ALDH1A1: variants seen among roughly 807,000 people sequenced by gnomAD.
The protein encoded by ALDH1A1 is aldehyde dehydrogenase 1 family member A1.
A neutral mutation model predicts 62.1 loss-of-function variants in ALDH1A1; 19 were observed. The ratio of observed to expected loss-of-function variants is 0.31; its 90% CI spans 0.21 to 0.45. ALDH1A1 has a LOEUF of 0.45. Ranked by LOEUF, ALDH1A1 falls within the 20% of genes least tolerant of loss-of-function variation. ALDH1A1 has a pLI of 1.00. For synonymous variants in ALDH1A1, 231 were observed against 215.9 expected, an observed-to-expected ratio of 1.07 and a Z score of -0.61; for missense variants, 521 against 607.1, an observed-to-expected ratio of 0.86 and a Z score of 1.49.
intron 7 of ALDH1A1, 64 bp downstream of exon 7, chr9:72,923,954 TA>T: frequency 8.8e-7 from 1 of 1,134,130 alleles, no homozygotes; most frequent in Non-Finnish European, 1.3e-6. Context: ...AATAGTTACA[TA>T]AAACATACTT....
chr9:72,930,663 A>G (rs564685299), intron 3 of ALDH1A1, among the ~76,000 whole-genome samples: 1 of 152,346 alleles, frequency 6.6e-6, no homozygotes, highest in South Asian at 2.1e-4. Flanking sequence ...CGTAGAATCT[A>G]TTATGGGAGC....
At position 72,912,059 on chromosome 9, in the gene ALDH1A1, T is replaced by C; in HGVS notation, c.1099A>G (p.Lys367Glu). 1 of 1,613,894 alleles carries C rather than the reference T, an allele frequency of 6.2e-7. No individual in the cohort carries two copies. Among genetic ancestry groups the C allele is most frequent in the South Asian group, 1.1e-5 (1 of 91,066 alleles). The change falls in exon 10 of 13, where the codon AAA becomes GAA. Residue 367 changes from lysine to glutamate, a missense_variant. Lys to Glu is a moderately conservative substitution (Grantham distance 56). Coordinates refer to ENST00000297785, the MANE Select transcript of ALDH1A1 (RefSeq NM_000689.5). ...CACGGGCCTCCTCCACATTCCAGTT[T>C]GGCCCCTTCTTTCTTCCCACTCTCA... ...LIESGKKEGA[K>E]LECGGGPWGN...
At chr9:72,923,231 CTTG>C (rs925440080) in intron 7 of ALDH1A1, among the ~76,000 whole-genome samples, 1 of 152,166 alleles carries the variant, frequency 6.6e-6, no homozygotes, top group Admixed American at 6.5e-5. Context: ...TGCCTGGTCT[CTTG>C]TTGTCAGCAG....
chr9:72,915,389 C>CATCCATCA (rs1319630557), intron 9 of ALDH1A1, among the ~76,000 whole-genome samples: 5 of 152,100 alleles, frequency 3.3e-5, no homozygotes, highest in Admixed American at 2.0e-4. Context: ...ATCAATCAAT[C>CATCCATCA]ATCCATCAAT....
At chr9:72,909,155 CTTTTTTT>C (rs5898281) in intron 11 of ALDH1A1, among the ~76,000 whole-genome samples, 2 of 75,534 alleles carry the variant, frequency 2.6e-5, no homozygotes, top group Non-Finnish European at 2.3e-5. Context: ...TCCAATACAG[CTTTTTTT>C]TTTTTTTTTT....
intron 7 of ALDH1A1, among the ~76,000 whole-genome samples, chr9:72,923,223 C>A (rs1399293780): frequency 6.6e-6 from 1 of 152,118 alleles, no homozygotes; most frequent in Admixed American, 6.5e-5. Flanking sequence ...TCACACCCTG[C>A]CTGGTCTCTT....
chr9:72,937,853 G>A (rs769588947), intron 2 of ALDH1A1, among the ~76,000 whole-genome samples: 7 of 152,188 alleles, frequency 4.6e-5, no homozygotes, highest in Non-Finnish European at 8.8e-5. Context: ...AGTATAAAGA[G>A]TAAATCTGAA....
chr9:72,940,026 G>T, intron 2 of ALDH1A1, 122 bp downstream of exon 2: 2 of 587,188 alleles, frequency 3.4e-6, no homozygotes, highest in Non-Finnish European at 2.9e-6. Context: ...ATTTTCCTAA[G>T]CTGCCCCAGA....
chr9:72,953,031 T>C lies in ALDH1A1; in HGVS notation c.-31A>G, dbSNP rs1245094095. 2 of 1,612,878 alleles carry C rather than the reference T, an allele frequency of 1.2e-6. No individual in the cohort carries two copies. Among genetic ancestry groups the C allele is most frequent in the Admixed American group, 3.3e-5 (2 of 59,894 alleles). On this transcript the variant is annotated 5_prime_UTR_variant, in exon 1 of 13. Transcript: ENST00000297785. ...ATTCGGCTCCTGGAACACAGGTGAC[T>C]GGCTCAGCAATTTGGTTCTGATAGA...
intron 1 of ALDH1A1, chr9:72,942,483 C>G (rs565226726): frequency 1.6e-6 from 1 of 621,104 alleles, no homozygotes; most frequent in African/African-American, 2.0e-5. Context: ...AAAAGCTTTC[C>G]CTGTTCTCTT....
chr9:72,906,428 G>GTACTTAACAGGC (rs1196840100), intron 11 of ALDH1A1, among the ~76,000 whole-genome samples: 1 of 152,084 alleles, frequency 6.6e-6, no homozygotes, highest in Non-Finnish European at 1.5e-5. Context: ...TGATGTTTCT[G>GTACTTAACAGGC]TACTTAACAG....
intron 1 of ALDH1A1, among the ~76,000 whole-genome samples, chr9:72,947,517 A>C (rs1314438211): frequency 6.6e-6 from 1 of 151,990 alleles, no homozygotes; most frequent in East Asian, 1.9e-4. Flanking sequence ...ATGAATGATA[A>C]AAATGCAGTA....
chr9:72,916,852 A>T, intron 9 of ALDH1A1, 68 bp downstream of exon 9: 1 of 1,316,230 alleles, frequency 7.6e-7, no homozygotes, highest in Non-Finnish European at 1.0e-6. Flanking sequence ...ACTCAATAAA[A>T]TCTAGGTCTA....
chr9:72,933,676 AT>A (rs1830312866), intron 2 of ALDH1A1, among the ~76,000 whole-genome samples: 1 of 152,002 alleles, frequency 6.6e-6, no homozygotes. Context: ...TGTAATGAAG[AT>A]TAATAAGATA....
intron 7 of ALDH1A1, among the ~76,000 whole-genome samples, chr9:72,921,503 C>CTTTTTTTTTTTTTTTTTTTTTTTTTTTTT (rs11327072): frequency 9.1e-6 from 1 of 109,506 alleles, no homozygotes; most frequent in African/African-American, 3.5e-5. Context: ...ACATTTAATT[C>CTTTTTTTTTTTTTTTTTTTTTTTTTTTTT]TTTTTTTTTT....
At chr9:72,926,108 C>A (rs940773474) in intron 5 of ALDH1A1, among the ~76,000 whole-genome samples, 1 of 152,166 alleles carries the variant, frequency 6.6e-6, no homozygotes, top group African/African-American at 2.4e-5. Flanking sequence ...CACTGACCAG[C>A]CATGTGAACT....
intron 5 of ALDH1A1, among the ~76,000 whole-genome samples, chr9:72,926,649 A>T (rs1380833625): frequency 6.6e-6 from 1 of 152,214 alleles, no homozygotes; most frequent in Admixed American, 6.5e-5. Flanking sequence ...TGATTAAAAA[A>T]TGTGTGTCAT....
chr9:72,941,821 A>G (rs989412125), intron 1 of ALDH1A1, among the ~76,000 whole-genome samples: 4 of 152,158 alleles, frequency 2.6e-5, no homozygotes, highest in Admixed American at 1.3e-4. Context: ...TTATTTCCAT[A>G]CAAGAAAATT....
intron 7 of ALDH1A1, among the ~76,000 whole-genome samples, chr9:72,923,176 C>A (rs977415795): frequency 1.3e-5 from 2 of 152,020 alleles, no homozygotes; most frequent in Admixed American, 6.6e-5. Context: ...TCTTGTGAAC[C>A]TTTTTTACAG....
Sources: gnomAD v4.1 joint callset for allele counts (sites outside exome capture counted in the v4.1 genomes callset) on GRCh38, gnomAD v4.1.1 for gene constraint, MANE v1.5 for transcripts, NCBI Gene and HGNC (gene_info 2026-07-23, HGNC 2026-07-21) for gene names.